Variants in AK6 observed in about 807,000 individuals in gnomAD.
AK6 encodes adenylate kinase 6, also known as adenylate kinase isoenzyme 6.
A neutral mutation model predicts 23.7 loss-of-function variants in AK6; 24 were observed. The ratio of observed to expected loss-of-function variants is 1.01; its 90% confidence interval spans 0.73 to 1.43. The LOEUF is 1.43. Ranked by LOEUF, AK6 falls within the 40% of genes most tolerant of loss-of-function variation. The probability of loss-of-function intolerance (pLI) is 0.00; values close to 1 mark genes in which losing one functional copy is unlikely to be tolerated. For synonymous variants in AK6, 73 were observed against 69.8 expected, an observed-to-expected ratio of 1.05 and a Z score of -0.23; for missense variants, 191 against 199.1, an observed-to-expected ratio of 0.96 and a Z score of 0.24.
chr5:69,354,792 G>A (rs1308616608), intron 4 of AK6, among the ~76,000 whole-genome samples: 1 of 152,128 alleles, frequency 6.6e-6, no homozygotes, highest in African/African-American at 2.4e-5. Flanking sequence ...TTCCTAGCAA[G>A]GGTTTACATC....
intron 2 of AK6, among the ~76,000 whole-genome samples, chr5:69,356,815 A>C (rs564564085): frequency 6.6e-6 from 1 of 152,202 alleles, no homozygotes; most frequent in Non-Finnish European, 1.5e-5. Flanking sequence ...GCCGTTCCTC[A>C]TAAGAGTTAA....
At chr5:69,352,947 G>A (rs1425648537) in intron 4 of AK6, among the ~76,000 whole-genome samples, 1 of 152,128 alleles carries the variant, frequency 6.6e-6, no homozygotes, top group African/African-American at 2.4e-5. Flanking sequence ...ACATGTGCAA[G>A]AATGTTTATG....
chr5:69,366,329 T>C (rs4252227), intron 2 of AK6, among the ~76,000 whole-genome samples, 174 bp downstream of exon 2: 160 of 152,284 alleles, frequency 1.1e-3, no homozygotes, highest in African/African-American at 3.7e-3. Context: ...ATGGTCAAAA[T>C]AACCAGGACA....
intron 2 of AK6, among the ~76,000 whole-genome samples, chr5:69,362,119 G>A (rs946035147): frequency 4.0e-5 from 6 of 151,028 alleles, no homozygotes; most frequent in South Asian, 2.1e-4. Flanking sequence ...CTTTTTTTCC[G>A]ACTTTAGTGA....
chr5:69,365,118 G>A (rs1277889808), intron 2 of AK6: 2 of 1,614,234 alleles, frequency 1.2e-6, no homozygotes, highest in South Asian at 1.1e-5. Flanking sequence ...CTGAACTGCT[G>A]AGGTTGCAGG....
intron 2 of AK6, among the ~76,000 whole-genome samples, chr5:69,357,972 G>A (rs977877551): frequency 6.6e-6 from 1 of 152,060 alleles, no homozygotes; most frequent in Admixed American, 6.6e-5. Flanking sequence ...GTATAGACTA[G>A]GCAGCAACAT....
At chr5:69,359,480 G>A (rs1762172023) in intron 2 of AK6, among the ~76,000 whole-genome samples, 1 of 152,084 alleles carries the variant, frequency 6.6e-6, no homozygotes, top group Non-Finnish European at 1.5e-5. Flanking sequence ...TTTGACCTCA[G>A]GTGATCCACC....
intron 2 of AK6, chr5:69,365,115 G>A: frequency 6.2e-7 from 1 of 1,614,220 alleles, no homozygotes; most frequent in Non-Finnish European, 8.5e-7. Flanking sequence ...ATTCTGAACT[G>A]CTGAGGTTGC....
intron 4 of AK6, among the ~76,000 whole-genome samples, chr5:69,353,565 GAATTACA>G (rs1415981760): frequency 1.3e-5 from 2 of 151,986 alleles, no homozygotes; most frequent in African/African-American, 4.8e-5. Context: ...CAAAGTGCTG[GAATTACA>G]GGCGTGAGCC....
intron 4 of AK6, among the ~76,000 whole-genome samples, chr5:69,354,309 C>A (rs1762025864): frequency 6.6e-6 from 1 of 152,050 alleles, no homozygotes; most frequent in Admixed American, 6.6e-5. Context: ...AATGGCTTTT[C>A]ACTGCCTAAA....
At position 69,352,006 on chromosome 5, in the gene AK6, A is replaced by G. The variant is rs2150727703; in HGVS notation, c.*55T>C. 6.9e-7 allele frequency: 1 copy of G among 1,459,258 alleles called. No homozygotes were observed. The highest frequency in any genetic ancestry group is 9.3e-7 in the Non-Finnish European group (1 of 1,080,726). The allele number at this position is 1,459,258 out of a possible 1,614,324, so 90.4% of individuals were successfully genotyped here. Reference sequence around the variant, plus strand: ...TGTTACTGACACTTGAACAATTTCTATGATGTCGGCAGAGATATCAACAAG... The same window carrying G: ...TGTTACTGACACTTGAACAATTTCTGTGATGTCGGCAGAGATATCAACAAG... On this transcript the variant is annotated 3_prime_UTR_variant, in exon 5 of 5. Coordinates refer to ENST00000380822, the MANE Select transcript of AK6 (RefSeq NM_016283.5).
chr5:69,359,058 T>C (rs1290297424), intron 2 of AK6, among the ~76,000 whole-genome samples: 5 of 149,212 alleles, frequency 3.4e-5, no homozygotes, highest in East Asian at 2.0e-4. Context: ...CTGGATAACA[T>C]AGCAACACCC....
intron 1 of AK6, among the ~76,000 whole-genome samples, chr5:69,367,379 G>A (rs1420331126): frequency 6.6e-6 from 1 of 151,380 alleles, no homozygotes; most frequent in Non-Finnish European, 1.5e-5. Flanking sequence ...GCGTGGTGGC[G>A]CGTGCCTGTA....
At chr5:69,364,138 T>A (rs1762320445) in intron 2 of AK6, among the ~76,000 whole-genome samples, 1 of 151,804 alleles carries the variant, frequency 6.6e-6, no homozygotes, top group Admixed American at 6.6e-5. Context: ...TGATAGCAAA[T>A]AAAAATCTAG....
chr5:69,366,460 T>TA (rs749083636), intron 2 of AK6, 43 bp downstream of exon 2: 87,901 of 1,042,086 alleles, frequency 0.084, 1 homozygote, highest in South Asian at 0.1. Context: ...TACCAGACCT[T>TA]AAAAAAAAAA....
chr5:69,358,376 C>G (rs1304348898), intron 2 of AK6, among the ~76,000 whole-genome samples: 1 of 151,968 alleles, frequency 6.6e-6, no homozygotes, highest in Non-Finnish European at 1.5e-5. Context: ...CAAAAGTTAG[C>G]CAGGCGTGGT....
chr5:69,368,452 A>G (rs1213925224), intron 1 of AK6, among the ~76,000 whole-genome samples: 1 of 152,204 alleles, frequency 6.6e-6, no homozygotes, highest in Non-Finnish European at 1.5e-5. Flanking sequence ...TTTCAATAAA[A>G]TGTTCACTTT....
chr5:69,360,194 T>C (rs58179291), intron 2 of AK6, among the ~76,000 whole-genome samples: 2,168 of 152,270 alleles, frequency 0.014, 52 homozygotes, highest in African/African-American at 0.05. Flanking sequence ...AAGAAAATGA[T>C]AGTGTAGAAG....
rs1486717155 is a variant in AK6 at position 69,364,968 on chromosome 5, T to C, written c.121+1535A>G. 11 of 1,612,550 alleles carry C rather than the reference T, an allele frequency of 6.8e-6. No individual in the cohort carries two copies. In the East Asian group the frequency reaches 2.2e-4, roughly 33 times the overall value. On this transcript the variant is annotated intron_variant, in intron 2 of 4. Coordinates refer to ENST00000380822, the MANE Select transcript of AK6 (RefSeq NM_016283.5). ...TTACAGATTATCATAGTCATCATCATCATCATCGTCATCATCATCATCTTC... is the reference window on the plus strand; with the variant it reads ...TTACAGATTATCATAGTCATCATCACCATCATCGTCATCATCATCATCTTC...
Sources: gnomAD v4.1 joint callset for allele counts (sites outside exome capture counted in the v4.1 genomes callset) on GRCh38, gnomAD v4.1.1 for gene constraint, MANE v1.5 for transcripts, NCBI Gene and HGNC (gene_info 2026-07-23, HGNC 2026-07-21) for gene names.